GATAD1: variants seen among roughly 807,000 people sequenced by gnomAD.
The protein encoded by GATAD1 is GATA zinc finger domain containing 1.
Under a neutral mutation model 26.5 loss-of-function variants are expected in GATAD1, and 12 were observed. The ratio of observed to expected loss-of-function variants is 0.45; its 90% confidence interval spans 0.29 to 0.73. The LOEUF (loss-of-function observed/expected upper bound fraction) is 0.73. Ranked by LOEUF, GATAD1 falls within the 30% of genes least tolerant of loss-of-function variation. The pLI is 0.10. For missense variants in GATAD1, 266 were observed against 342.1 expected, an observed-to-expected ratio of 0.78 and a Z score of 1.75; for synonymous variants, 129 against 133.1, an observed-to-expected ratio of 0.97 and a Z score of 0.21.
chr7:92,449,072 C>CTTTCCTTTTTGTT (rs1433376012), intron 2 of GATAD1, 195 bp downstream of exon 2: 2 of 1,045,666 alleles, frequency 1.9e-6, no homozygotes, highest in African/African-American at 3.2e-5. Flanking sequence ...TAATAATACT[C>CTTTCCTTTTTGTT]TTTCCTTTTT....
the GATAD1 span, among the ~76,000 whole-genome samples, chr7:92,467,901 C>T: frequency 1.3e-5 from 2 of 152,158 alleles, no homozygotes; most frequent in Admixed American, 6.5e-5. Flanking sequence ...CTGATGCCTT[C>T]GAGGAACCAG....
intron 3 of GATAD1, 119 bp from the exon 4 acceptor site, chr7:92,454,383 G>A: frequency 1.3e-6 from 1 of 748,348 alleles, no homozygotes; most frequent in South Asian, 1.5e-5. Context: ...TGATACATTA[G>A]ACTATCTCGA....
chr7:92,467,981 G>A, the GATAD1 span, among the ~76,000 whole-genome samples: 1 of 152,154 alleles, frequency 6.6e-6, no homozygotes, highest in Non-Finnish European at 1.5e-5. Context: ...TGTTACTTGG[G>A]GGTCCTTGCT....
intron 1 of GATAD1, 57 bp downstream of exon 1, chr7:92,448,035 G>C: frequency 1.7e-6 from 2 of 1,177,430 alleles, no homozygotes; most frequent in Non-Finnish European, 2.1e-6. Context: ...AGGCGGGCGG[G>C]GACGGGCTGG....
At chr7:92,493,003 TGTAAA>T in the GATAD1 span, 1 of 1,613,952 alleles carries the variant, frequency 6.2e-7, no homozygotes, top group Non-Finnish European at 8.5e-7. Context: ...AATTGGGCAT[TGTAAA>T]GTAAAGCTTT....
At chr7:92,487,485 C>T in the GATAD1 span, 17 of 1,593,614 alleles carry the variant, frequency 1.1e-5, no homozygotes, top group African/African-American at 2.7e-5. Flanking sequence ...CTGTCCAGGT[C>T]GAAACATTGT....
chr7:92,455,717 C>T (rs1397546206), intron 4 of GATAD1, among the ~76,000 whole-genome samples: 2 of 152,204 alleles, frequency 1.3e-5, no homozygotes, highest in Non-Finnish European at 2.9e-5. Flanking sequence ...TAATATACCA[C>T]TGTTATTCTC....
At chr7:92,466,564 A>C in the GATAD1 span, among the ~76,000 whole-genome samples, 1 of 152,242 alleles carries the variant, frequency 6.6e-6, no homozygotes, top group Non-Finnish European at 1.5e-5. Flanking sequence ...CAGTAGAGAA[A>C]GATAAGCTTT....
the GATAD1 span, chr7:92,477,678 G>C: frequency 6.1e-6 from 1 of 164,382 alleles, no homozygotes; most frequent in Non-Finnish European, 1.3e-5. Flanking sequence ...TAGCCGTGCA[G>C]GAACAATGGC....
rs1303105600 is a variant in GATAD1, at chr7:92,458,362, A to T, written c.*1800A>T. On this transcript the variant is annotated 3_prime_UTR_variant, in exon 5 of 5. Coordinates refer to ENST00000287957, the MANE Select transcript of GATAD1 (RefSeq NM_021167.5). ...TGATAGTCTCTTGACTACCATTAAA[A>T]CGAATATTGGGAGGTCATGAAAGTC... is the stretch of plus-strand genomic sequence containing the variant. The T allele has an allele frequency of 6.6e-6, 1 of 152,172 alleles. No individual in the cohort carries two copies. Among genetic ancestry groups the T allele is most frequent in the Non-Finnish European group, 1.5e-5 (1 of 68,022 alleles). The allele number at this position is 152,172 out of a possible 1,614,324, so 9.4% of individuals were successfully genotyped here. A position where few individuals can be genotyped will look rare whatever the true frequency, so the allele number is the denominator to read the frequency against.
chr7:92,466,505 A>G, the GATAD1 span, among the ~76,000 whole-genome samples: 1 of 152,230 alleles, frequency 6.6e-6, no homozygotes, highest in African/African-American at 2.4e-5. Flanking sequence ...GGGAAATATA[A>G]TTTAAAAAAC....
In GATAD1 at chr7:92,447,854, G is replaced by T. The variant is rs1255361804; in HGVS notation, c.125G>T (p.Gly42Val). ...ACTGGCCGGGGCGGCGCGGGCAGCG[G>T]GGGCGCAGGCTCGGGGGCGGCTGGA... ...HCTGRGGAGS[G>V]GAGSGAAGGT... Residue 42 changes from glycine to valine, a missense_variant, in exon 1 of 5, where the codon GGG (glycine) becomes GTG (valine). Transcript: ENST00000287957. 7.2e-7 allele frequency: 1 copy of T among 1,382,466 alleles called. No individual in the cohort carries two copies. The allele number at this position is 1,382,466 out of a possible 1,614,324, so 85.6% of individuals were successfully genotyped here.
At chr7:92,453,252 A>G (rs1789516264) in intron 3 of GATAD1, among the ~76,000 whole-genome samples, 5 of 152,246 alleles carry the variant, frequency 3.3e-5, no homozygotes, top group Admixed American at 3.3e-4. Flanking sequence ...GGAAGCAGCA[A>G]TGAATTACAC....
chr7:92,481,510 C>T, the GATAD1 span, among the ~76,000 whole-genome samples: 48 of 152,260 alleles, frequency 3.2e-4, no homozygotes, highest in South Asian at 4.8e-3. Context: ...GACATGATGG[C>T]GAGCCTAAAA....
At chr7:92,453,728 T>C (rs1395188580) in intron 3 of GATAD1, among the ~76,000 whole-genome samples, 1 of 152,200 alleles carries the variant, frequency 6.6e-6, no homozygotes, top group Non-Finnish European at 1.5e-5. Context: ...GCATGTAGAA[T>C]GCATTCTTAC....
chr7:92,449,670 TTTC>T, intron 2 of GATAD1: 3 of 923,114 alleles, frequency 3.2e-6, no homozygotes, highest in South Asian at 1.0e-4. Flanking sequence ...GGCAGACTAT[TTTC>T]TTTTTTTTTT....
the GATAD1 span, chr7:92,468,867 A>G: frequency 1.3e-6 from 1 of 764,388 alleles, no homozygotes; most frequent in Non-Finnish European, 2.4e-6. Context: ...GTGGGCTAGC[A>G]GGCCGGTCCA....
chr7:92,470,512 T>C, the GATAD1 span: 1 of 595,056 alleles, frequency 1.7e-6, no homozygotes, highest in South Asian at 2.2e-5. Context: ...TATCCAGGAT[T>C]TGACTCAAGT....
the GATAD1 span, chr7:92,478,054 A>G: frequency 6.6e-6 from 1 of 152,148 alleles, no homozygotes; most frequent in East Asian, 1.9e-4. Context: ...TTGCCTAATT[A>G]GCATTTTAGT....
Sources: allele counts gnomAD v4.1 joint callset (sites outside exome capture counted in the v4.1 genomes callset), GRCh38; gene constraint gnomAD v4.1.1; transcripts MANE v1.5; gene names NCBI Gene and HGNC (gene_info 2026-07-23, HGNC 2026-07-21).